KCNC3: variants seen among roughly 807,000 people sequenced by gnomAD.
The protein encoded by KCNC3 is voltage-gated potassium channel KCNC3.
A neutral mutation model predicts 43.9 loss-of-function variants in KCNC3; 22 were observed. The ratio of observed to expected loss-of-function variants is 0.50; its 90% CI spans 0.36 to 0.72. The LOEUF is 0.72. Among genes scored for constraint, KCNC3 ranks in the 30% least tolerant of loss-of-function variants. The pLI, the probability that KCNC3 is intolerant of heterozygous loss-of-function variation, is 0.00. For missense variants in KCNC3, 829 were observed against 1,073.8 expected, an observed-to-expected ratio of 0.77 and a Z score of 3.19; for synonymous variants, 492 against 488.0, an observed-to-expected ratio of 1.01 and a Z score of -0.11.
intron 2 of KCNC3, among the ~76,000 whole-genome samples, chr19:50,321,536 G>A (rs2037034076): frequency 6.6e-6 from 1 of 152,130 alleles, no homozygotes; most frequent in East Asian, 1.9e-4. Flanking sequence ...TTGGGAGGCC[G>A]AGGTGGGTAG....
In KCNC3 at chr19:50,320,578, G is replaced by A. The variant is rs753228810; in HGVS notation, c.2170+15C>T. 3 of 1,606,810 alleles carry A rather than the reference G, an allele frequency of 1.9e-6. No homozygotes were observed. Among genetic ancestry groups the A allele is most frequent in the Non-Finnish European group, 2.5e-6 (3 of 1,177,002 alleles). ...GAGGGAGGGTCCCAGGGGATCAGTA[G>A]GGGGGGCACCTCACCTTTTCGGATG... On this transcript the variant is annotated intron_variant, in intron 3 of 4. Coordinates refer to ENST00000477616, the MANE Select transcript of KCNC3 (RefSeq NM_004977.3).
Position 50,315,798 on chromosome 19 carries a change from G to A in KCNC3, c.*317C>T, listed in dbSNP as rs2036944167. ...TGACGGGTGCGGGAAGGCTCTCACA[G>A]GCATCTCACAGCTAATGGGACTCAA... On this transcript the variant is annotated 3_prime_UTR_variant, in exon 5 of 5. Transcript: ENST00000477616. 4.7e-6 allele frequency: 1 copy of A among 211,890 alleles called. No individual in the cohort carries two copies. Among genetic ancestry groups the A allele is most frequent in the Non-Finnish European group, 9.7e-6 (1 of 102,648 alleles). The allele number at this position is 211,890 out of a possible 1,614,324, so 13.1% of individuals were successfully genotyped here.
Position 50,320,711 on chromosome 19 carries a change from G to C in KCNC3, c.2052C>G (p.Ala684=), listed in dbSNP as rs373490318. 6.2e-7 allele frequency: 1 copy of C among 1,613,858 alleles called. No homozygotes were observed. Among genetic ancestry groups the C allele is most frequent in the African/African-American group, 1.3e-5 (1 of 74,860 alleles). Residue 684 remains alanine (A), a synonymous_variant, in exon 3 of 5, where the codon GCC becomes GCG. Transcript: ENST00000477616. ...HEDCPAIDQP[A]MSPEDKSPIT... is the part of the protein sequence containing the mutation. ...TGGGGCTCTTGTCTTCCGGGGACAT[G>C]GCAGGCTGGTCAATGGCTGGGCAGT...
intron 4 of KCNC3, among the ~76,000 whole-genome samples, chr19:50,318,894 T>C (rs1312838078): frequency 1.4e-5 from 2 of 142,986 alleles, no homozygotes; most frequent in African/African-American, 2.6e-5. Context: ...CTGGCCAACA[T>C]AGCGAGACCC....
Position 50,320,630 on chromosome 19 carries a change from G to A in KCNC3, c.2133C>T (p.Thr711=), listed in dbSNP as rs373371673. Reference sequence around the variant, plus strand: ...AGCCATCAGGGGAAGGGGCATAGTCGGTGAGGAGGAAGCAGGCTCGGTCCC... The same window carrying A: ...AGCCATCAGGGGAAGGGGCATAGTCAGTGAGGAGGAAGCAGGCTCGGTCCC... ...YSRDRACFLL[T]DYAPSPDGSI... The change falls in exon 3 of 5, where the codon ACC becomes ACT. Residue 711 remains threonine, a synonymous_variant. Transcript: ENST00000477616. The A allele has an allele frequency of 1.4e-5, 22 of 1,612,906 alleles. No individual in the cohort carries two copies. Among genetic ancestry groups the A allele is most frequent in the African/African-American group, 8.0e-5 (6 of 74,944 alleles).
chr19:50,333,288 G>A (rs190344383), upstream of KCNC3, among the ~76,000 whole-genome samples: 2 of 152,196 alleles, frequency 1.3e-5, no homozygotes, highest in South Asian at 2.1e-4. Context: ...GGCTGCAGAG[G>A]GGGGAGTGAC....
rs772962111 is a variant in KCNC3 at position 50,320,624 on chromosome 19, A to G, written c.2139T>C (p.Tyr713=). 5.0e-6 allele frequency: 8 copies of G among 1,612,602 alleles called. No homozygotes were observed. The highest frequency in any genetic ancestry group is 6.8e-6 in the Non-Finnish European group (8 of 1,179,828). Residue 713 remains tyrosine, a synonymous_variant, in exon 3 of 5, where the codon TAT becomes TAC. Transcript: ENST00000477616. ...RDRACFLLTD[Y]APSPDGSIRK... ...GGATGGAGCCATCAGGGGAAGGGGCATAGTCGGTGAGGAGGAAGCAGGCTC... is the reference window on the plus strand; with the variant it reads ...GGATGGAGCCATCAGGGGAAGGGGCGTAGTCGGTGAGGAGGAAGCAGGCTC...
chr19:50,321,341 G>A (rs919242054), intron 2 of KCNC3, among the ~76,000 whole-genome samples: 5 of 152,102 alleles, frequency 3.3e-5, no homozygotes, highest in African/African-American at 9.7e-5. Context: ...AGTAGTACAC[G>A]CCTATAGTCC....
In KCNC3 at chr19:50,324,424, G is replaced by A. The variant is rs973954008; in HGVS notation, c.871-342C>T. 6.6e-6 allele frequency among the ~76,000 whole-genome samples: 1 copy of A among 151,916 alleles called. No individual in the cohort carries two copies. The highest frequency in any genetic ancestry group is 1.5e-5 in the Non-Finnish European group (1 of 67,998). ...CCTGTTCCCTGTGTCCTATTTCAGG[G>A]CCCCCCAGCAGGGTCCACGGGTTCT... is the stretch of plus-strand genomic sequence containing the variant. On this transcript the variant is annotated intron_variant, in intron 1 of 4. Coordinates refer to ENST00000477616, the MANE Select transcript of KCNC3 (RefSeq NM_004977.3). The surrounding 1 kb of genome is among the most constrained non-coding windows in gnomAD (Gnocchi z 4.1).
chr19:50,329,603 A>G (rs1180778923), upstream of KCNC3: 1 of 152,300 alleles, frequency 6.6e-6, no homozygotes, highest in Non-Finnish European at 1.5e-5. Context: ...AACAGATCGC[A>G]CGCCCTCACC....
At chr19:50,333,327 T>A (rs935886039), upstream of KCNC3, 3 of 153,638 alleles carry the variant, frequency 2.0e-5, no homozygotes, top group African/African-American at 7.3e-5. Flanking sequence ...GCAGCACCGC[T>A]CCCCCAACCC....
At position 50,320,606 on chromosome 19, in the gene KCNC3, G is replaced by A. The variant is rs768543115; in HGVS notation, c.2157C>T (p.Gly719=). ...LLTDYAPSPD[G]SIRKATGAPP... ...GGGGCACCTCACCTTTTCGGATGGAGCCATCAGGGGAAGGGGCATAGTCGG... is the reference window on the plus strand; with the variant it reads ...GGGGCACCTCACCTTTTCGGATGGAACCATCAGGGGAAGGGGCATAGTCGG... Residue 719 remains glycine (G), a synonymous_variant, in exon 3 of 5, where the codon GGC becomes GGT. Coordinates refer to ENST00000477616, the MANE Select transcript of KCNC3 (RefSeq NM_004977.3). 5 of 1,612,064 alleles carry A rather than the reference G, an allele frequency of 3.1e-6. No homozygotes were observed. In the South Asian group the frequency reaches 4.4e-5, roughly 14 times the overall value.
chr19:50,319,980 G>A (rs956768793), intron 4 of KCNC3, among the ~76,000 whole-genome samples: 6 of 150,388 alleles, frequency 4.0e-5, no homozygotes, highest in African/African-American at 7.4e-5. Flanking sequence ...GGGGTCGGTC[G>A]TGAGGGCAGG....
rs10666239 is a variant in KCNC3, at chr19:50,312,302, CTG to C, written c.*3811_*3812del. The stretch of plus-strand genomic sequence containing the variant: ...ATTTGAGTGAGAGAAACTTATTGCT[CTG>C]TGTGTGTGTGTGTGTGTGTTGGGGA... On this transcript the variant is annotated 3_prime_UTR_variant, in exon 5 of 5. Coordinates refer to ENST00000477616, the MANE Select transcript of KCNC3 (RefSeq NM_004977.3). 8,628 of 148,766 alleles carry C rather than the reference CTG, an allele frequency of 0.058. 514 individuals carry two copies. The highest frequency in any genetic ancestry group is 0.15 in the African/African-American group (6,094 of 40,506). 9.2% of individuals were successfully genotyped at this position (148,766 alleles called of 1,614,324 possible). A position where few individuals can be genotyped will look rare whatever the true frequency, so the allele number is the denominator to read the frequency against.
Position 50,328,437 on chromosome 19 carries a change from C to T in KCNC3, c.646G>A (p.Ala216Thr). The change falls in exon 1 of 5, where the codon GCC becomes ACC. Residue 216 changes from alanine to threonine, a missense_variant. Coordinates refer to ENST00000477616, the MANE Select transcript of KCNC3 (RefSeq NM_004977.3). ...DPAGAANAAN[A>T]AGAHDGGLDD... The stretch of plus-strand genomic sequence containing the variant: ...AGGCCTCCGTCGTGGGCGCCTGCGG[C>T]GTTGGCGGCGTTGGCGGCGCCCGCG... 1 of 1,560,692 alleles carries T rather than the reference C, an allele frequency of 6.4e-7. No individual in the cohort carries two copies. The highest frequency in any genetic ancestry group is 1.2e-5 in the South Asian group (1 of 85,960).
At position 50,312,525 on chromosome 19, in the gene KCNC3, G is replaced by C. The variant is rs1164233332; in HGVS notation, c.*3590C>G. ...GAAAAGGGGGAGCCGGACTTGGAAAGAGTCCCTTTAGCTCGCTCTCTCCCT... is the reference window on the plus strand; with the variant it reads ...GAAAAGGGGGAGCCGGACTTGGAAACAGTCCCTTTAGCTCGCTCTCTCCCT... On this transcript the variant is annotated 3_prime_UTR_variant, in exon 5 of 5. Coordinates refer to ENST00000477616, the MANE Select transcript of KCNC3 (RefSeq NM_004977.3). 1 of 152,248 alleles carries C rather than the reference G, an allele frequency of 6.6e-6. No homozygotes were observed. The highest frequency in any genetic ancestry group is 1.5e-5 in the Non-Finnish European group (1 of 68,054). The allele number at this position is 152,248 out of a possible 1,614,324, so 9.4% of individuals were successfully genotyped here.
At chr19:50,317,013 G>GCCACCC (rs1379825176) in intron 4 of KCNC3, among the ~76,000 whole-genome samples, 5 of 112,978 alleles carry the variant, frequency 4.4e-5, no homozygotes, top group African/African-American at 6.5e-5. Flanking sequence ...CCCCCACCCA[G>GCCACCC]CCACCCCCAC....
upstream of KCNC3, among the ~76,000 whole-genome samples, chr19:50,332,436 T>C (rs956608641): frequency 2.0e-5 from 3 of 151,920 alleles, no homozygotes; most frequent in South Asian, 4.2e-4. This position sits in a 1 kb window ranked among gnomAD's most constrained non-coding sequence, Gnocchi z 5.8. Context: ...TTAGAGGCCA[T>C]GGGAGGGGAA....
upstream of KCNC3, chr19:50,329,919 G>A (rs1377023428): frequency 6.6e-6 from 1 of 152,518 alleles, no homozygotes; most frequent in East Asian, 1.9e-4. Context: ...CCCGGAGAAT[G>A]AGTGTCCGGA....
Sources: allele counts gnomAD v4.1 joint callset (sites outside exome capture counted in the v4.1 genomes callset), GRCh38; gene constraint gnomAD v4.1.1; non-coding constraint Gnocchi (gnomAD v3.1); transcripts MANE v1.5; gene names NCBI Gene and HGNC (gene_info 2026-07-23, HGNC 2026-07-21).